The following KIF18B variants were observed in gnomAD, a reference collection of about 807,000 sequenced individuals.
The protein encoded by KIF18B is kinesin family member 18B, also known as kinesin-like protein KIF18B.
In KIF18B, 49 loss-of-function variants were observed where a neutral mutation model predicts 80.9. That is an observed-to-expected ratio of 0.61 (90% CI 0.48 to 0.77). The LOEUF (loss-of-function observed/expected upper bound fraction) is 0.77, where lower values mean the gene tolerates loss of function less well. Ranked by LOEUF, KIF18B falls within the 30% of genes least tolerant of loss-of-function variation. KIF18B has a pLI of 0.00. For missense variants in KIF18B, 994 were observed against 1,127.7 expected (o/e 0.88, Z 1.70); for synonymous variants, 439 against 463.9 (o/e 0.95, Z 0.69).
intron 1 of KIF18B, among the ~76,000 whole-genome samples, chr17:44,940,017 G>T (rs984039823): frequency 6.6e-6 from 1 of 152,080 alleles, no homozygotes; most frequent in Admixed American, 6.6e-5. Context: ...CTGACCTCAA[G>T]CGATCCACCC....
chr17:44,943,261 G>T (rs560025938), intron 1 of KIF18B, among the ~76,000 whole-genome samples: 1 of 151,982 alleles, frequency 6.6e-6, no homozygotes, highest in Non-Finnish European at 1.5e-5. Flanking sequence ...CACCACGCCC[G>T]ACTAATTTTT....
intron 11 of KIF18B, among the ~76,000 whole-genome samples, chr17:44,929,350 T>G (rs1315196903): frequency 6.6e-6 from 1 of 152,124 alleles, no homozygotes; most frequent in Non-Finnish European, 1.5e-5. Flanking sequence ...ACTCAGAAGG[T>G]CTGAGTCTTC....
intron 1 of KIF18B, among the ~76,000 whole-genome samples, chr17:44,941,486 C>T (rs1205365034): frequency 9.9e-5 from 15 of 152,000 alleles, no homozygotes; most frequent in Admixed American, 9.8e-4. Flanking sequence ...TTACAGGCGC[C>T]CACCATTACG....
intron 1 of KIF18B, among the ~76,000 whole-genome samples, chr17:44,939,840 A>G (rs2052382938): frequency 6.6e-6 from 1 of 151,928 alleles, no homozygotes; most frequent in South Asian, 2.1e-4. Flanking sequence ...TTTTAGACTG[A>G]GTCTCGCTAT....
Position 44,927,995 on chromosome 17 carries a change from AGGAGGG to A in KIF18B, c.2276+25_2276+30del. The A allele has an allele frequency of 6.7e-7, 1 of 1,498,580 alleles. No individual in the cohort carries two copies. Among genetic ancestry groups the A allele is most frequent in the Non-Finnish European group, 8.9e-7 (1 of 1,120,570 alleles). 92.8% of individuals were successfully genotyped at this position (1,498,580 alleles called of 1,614,324 possible). A position where few individuals can be genotyped will look rare whatever the true frequency, so the allele number is the denominator to read the frequency against. ...CCCTTGCTGACCACTGACCACTGAC[AGGAGGG>A]GTGGAGCGAGACTGGGAGACCCACC... On this transcript the variant is annotated intron_variant, in intron 13 of 15. Coordinates refer to ENST00000593135, the MANE Select transcript of KIF18B (RefSeq NM_001265577.2). This position sits in a 1 kb window ranked among gnomAD's most constrained non-coding sequence, Gnocchi z 4.1.
chr17:44,928,518 G>A lies in KIF18B; in HGVS notation c.1784C>T (p.Thr595Ile). The change falls in exon 13 of 16, where the codon ACT becomes ATT. Residue 595 changes from threonine (T) to isoleucine (I), a missense_variant. By Grantham distance (89) the Thr-to-Ile change is moderately conservative. Coordinates refer to ENST00000593135, the MANE Select transcript of KIF18B (RefSeq NM_001265577.2). ...GGGGCCACTCAGTCGCCTCGCCATA[G>A]TCCGGGTCACAGGGCCAGTGTATCC... is the stretch of plus-strand genomic sequence containing the variant. ...PPGYTGPVTR[T>I]MARRLSGPLH... 6 of 1,481,088 alleles carry A rather than the reference G, an allele frequency of 4.1e-6. No individual in the cohort carries two copies. The highest frequency in any genetic ancestry group is 2.4e-5 in the Admixed American group (1 of 42,538). 91.7% of individuals were successfully genotyped at this position (1,481,088 alleles called of 1,614,324 possible). A position where few individuals can be genotyped will look rare whatever the true frequency, so the allele number is the denominator to read the frequency against.
chr17:44,942,437 G>C (rs1178423840), intron 1 of KIF18B, among the ~76,000 whole-genome samples: 1 of 152,222 alleles, frequency 6.6e-6, no homozygotes, highest in East Asian at 1.9e-4. Flanking sequence ...AGTCCCTGGA[G>C]AAGAATTTCA....
intron 2 of KIF18B, 120 bp from the exon 3 acceptor site, chr17:44,935,536 A>C: frequency 3.0e-6 from 3 of 1,010,156 alleles, no homozygotes; most frequent in Non-Finnish European, 2.9e-6. Context: ...AATCCCACTA[A>C]TCACACCCTC....
chr17:44,938,717 A>G (rs2052357847), intron 1 of KIF18B, among the ~76,000 whole-genome samples: 3 of 152,208 alleles, frequency 2.0e-5, no homozygotes, highest in Admixed American at 2.0e-4. Context: ...CCAATTTGAA[A>G]TGCCAAATTT....
In KIF18B at chr17:44,925,308, G is replaced by GT. The variant is rs1443691965; in HGVS notation, c.*771dup. 1.3e-5 allele frequency: 2 copies of GT among 152,122 alleles called. No individual in the cohort carries two copies. Among genetic ancestry groups the GT allele is most frequent in the Non-Finnish European group, 2.9e-5 (2 of 68,058 alleles). 9.4% of individuals were successfully genotyped at this position (152,122 alleles called of 1,614,324 possible). ...TAAAAATACAAAAAATTAGCCAGGC[G>GT]TGGTGGTGGGCGCCTGTAGTCCCAG... On this transcript the variant is annotated 3_prime_UTR_variant, in exon 16 of 16. Transcript: ENST00000593135.
chr17:44,932,695 T>C lies in KIF18B; in HGVS notation c.1216A>G (p.Lys406Glu). 1 of 1,611,732 alleles carries C rather than the reference T, an allele frequency of 6.2e-7. No homozygotes were observed. The highest frequency in any genetic ancestry group is 8.5e-7 in the Non-Finnish European group (1 of 1,179,280). Residue 406 changes from lysine (K) to glutamate (E), a missense_variant, in exon 9 of 16, where the codon AAG becomes GAG. Coordinates refer to ENST00000593135, the MANE Select transcript of KIF18B (RefSeq NM_001265577.2). ...CACTGTTCTGGTGGTGGTCCCGACT[T>C]GGGAGATCCTGGGAGGTCCTGTGGT... ...PPPQDLPGSP[K>E]SGPPPEHQPC...
intron 7 of KIF18B, among the ~76,000 whole-genome samples, 167 bp from the exon 8 acceptor site, chr17:44,933,153 C>A (rs932677611): frequency 1.8e-4 from 27 of 152,098 alleles, no homozygotes; most frequent in African/African-American, 5.8e-4. Flanking sequence ...GAGACCACAG[C>A]GAGGGGCAGA....
At chr17:44,930,804 C>T (rs900723587) in intron 11 of KIF18B, among the ~76,000 whole-genome samples, 1 of 152,060 alleles carries the variant, frequency 6.6e-6, no homozygotes, top group African/African-American at 2.4e-5. Flanking sequence ...AGGGGGATGT[C>T]GCACCAGAGC....
In KIF18B at chr17:44,927,132, C is replaced by A; in HGVS notation, c.2277-54G>T. On this transcript the variant is annotated intron_variant, in intron 13 of 15. Transcript: ENST00000593135. This position sits in a 1 kb window ranked among gnomAD's most constrained non-coding sequence, Gnocchi z 4.1. ...GATCAGCAGGGAACCGGAAGCAAGGCCAGCCACTTCCTCCCTCCAGCCCCC... is the reference window on the plus strand; with the variant it reads ...GATCAGCAGGGAACCGGAAGCAAGGACAGCCACTTCCTCCCTCCAGCCCCC... 7.4e-7 allele frequency: 1 copy of A among 1,346,528 alleles called. No homozygotes were observed. The highest frequency in any genetic ancestry group is 1.0e-6 in the Non-Finnish European group (1 of 971,000). 83.4% of individuals were successfully genotyped at this position (1,346,528 alleles called of 1,614,324 possible). A position where few individuals can be genotyped will look rare whatever the true frequency, so the allele number is the denominator to read the frequency against.
rs2052229852 is a variant in KIF18B at position 44,934,339 on chromosome 17, C to T, written c.779G>A (p.Arg260Gln). The part of the protein sequence containing the change: ...MSLIDLAGSE[R>Q]ASSTHAKGER... ...CCCCTTCGCATGGGTGCTGGATGCC[C>T]GCTCTGAGCCAGCCAGGTCAATCAG... Residue 260 changes from arginine to glutamine, a missense_variant, in exon 6 of 16, where the codon CGG becomes CAG. Physicochemically the swap from Arg to Gln is conservative, Grantham distance 43. Transcript: ENST00000593135. This position sits in a 1 kb window ranked among gnomAD's most constrained non-coding sequence, Gnocchi z 5.4. The T allele has an allele frequency of 5.6e-6, 9 of 1,608,116 alleles. No homozygotes were observed. The highest frequency in any genetic ancestry group is 3.3e-5 in the South Asian group (3 of 89,936).
chr17:44,937,200 A>G (rs1036828711), intron 1 of KIF18B, among the ~76,000 whole-genome samples: 6 of 152,054 alleles, frequency 3.9e-5, no homozygotes, highest in African/African-American at 1.2e-4. Flanking sequence ...CTTGATTTTA[A>G]GAAAATTTTA....
chr17:44,926,893 A>T, intron 14 of KIF18B, 96 bp downstream of exon 14: 1 of 1,056,540 alleles, frequency 9.5e-7, no homozygotes, highest in Middle Eastern at 2.4e-4. Flanking sequence ...GGGTGTAGAG[A>T]CAGAGACACT....
At chr17:44,933,243 CT>C (rs1301298792) in intron 7 of KIF18B, among the ~76,000 whole-genome samples, 4 of 151,978 alleles carry the variant, frequency 2.6e-5, no homozygotes, top group Admixed American at 2.0e-4. Context: ...CCAGGGCTCC[CT>C]GGGGGGAGGG....
intron 1 of KIF18B, among the ~76,000 whole-genome samples, chr17:44,947,306 C>T (rs985591957): frequency 6.6e-6 from 1 of 151,966 alleles, no homozygotes; most frequent in Non-Finnish European, 1.5e-5. Flanking sequence ...GCAGGAGGAC[C>T]TTTCACGGGG....
Sources: allele counts gnomAD v4.1 joint callset (sites outside exome capture counted in the v4.1 genomes callset), GRCh38; gene constraint gnomAD v4.1.1; non-coding constraint Gnocchi (gnomAD v3.1); transcripts MANE v1.5; gene names NCBI Gene and HGNC (gene_info 2026-07-23, HGNC 2026-07-21).